The following AFAP1 variants were observed in gnomAD, a reference collection of about 807,000 sequenced individuals.
The protein encoded by AFAP1 is actin filament-associated protein 1.
AFAP1 carries 75 observed loss-of-function variants against 93.9 expected under a neutral mutation model. The ratio of observed to expected loss-of-function variants is 0.80; its 90% CI spans 0.66 to 0.97. AFAP1 has a LOEUF of 0.97. AFAP1 is among the 50% of genes least tolerant of loss of function. The probability of loss-of-function intolerance (pLI) is 0.00; values close to 1 mark genes in which losing one functional copy is unlikely to be tolerated. For synonymous variants in AFAP1, 517 were observed against 430.7 expected, an observed-to-expected ratio of 1.20 and a Z score of -2.48; for missense variants, 1,201 against 1,050.8, an observed-to-expected ratio of 1.14 and a Z score of -1.98.
chr4:7,868,221 A>G (rs1020069858), intron 3 of AFAP1, among the ~76,000 whole-genome samples: 3 of 152,226 alleles, frequency 2.0e-5, no homozygotes, highest in African/African-American at 7.2e-5. Flanking sequence ...AATGACTATT[A>G]AAGTTTCACA....
At chr4:7,796,098 T>C (rs1718394846) in intron 10 of AFAP1, among the ~76,000 whole-genome samples, 1 of 152,204 alleles carries the variant, frequency 6.6e-6, no homozygotes, top group Admixed American at 6.5e-5. Flanking sequence ...CATCTGTTTC[T>C]AGCGTTTGTC....
At chr4:7,934,504 T>C (rs560869422) in intron 1 of AFAP1, among the ~76,000 whole-genome samples, 1 of 152,280 alleles carries the variant, frequency 6.6e-6, no homozygotes, top group East Asian at 1.9e-4. Context: ...AAAACATAAA[T>C]TCTTCGAGGA....
At position 7,772,854 on chromosome 4, in the gene AFAP1, G is replaced by A; in HGVS notation, c.2219C>T (p.Ala740Val). Reference protein sequence around the residue: ...ALAGGVTLGLAIEPKSGTSSP... With the variant: ...ALAGGVTLGLVIEPKSGTSSP... ...CGATGTCCCTGACTTGGGCTCGATG[G>A]CCAGCCCCAGGGTGACTCCGCCCGC... The change falls in exon 16 of 18, where the codon GCC becomes GTC. Residue 740 changes from alanine (A) to valine (V), a missense_variant. Coordinates refer to ENST00000420658, the MANE Select transcript of AFAP1 (RefSeq NM_001134647.2). The A allele has an allele frequency of 1.2e-6, 2 of 1,613,898 alleles. No individual in the cohort carries two copies. The highest frequency in any genetic ancestry group is 1.7e-6 in the Non-Finnish European group (2 of 1,179,996).
At chr4:7,932,761 C>T (rs1721148901) in intron 1 of AFAP1, among the ~76,000 whole-genome samples, 1 of 152,116 alleles carries the variant, frequency 6.6e-6, no homozygotes, top group Admixed American at 6.6e-5. Flanking sequence ...GTGGCTCACG[C>T]CTGTAATTCC....
chr4:7,793,782 G>C lies in AFAP1; in HGVS notation c.1311C>G (p.Leu437=). The C allele has an allele frequency of 1.3e-6, 2 of 1,565,776 alleles. No homozygotes were observed. The highest frequency in any genetic ancestry group is 1.8e-6 in the Non-Finnish European group (2 of 1,142,814). Residue 437 remains leucine, a synonymous_variant, in exon 11 of 18, where the codon CTC becomes CTG. Transcript: ENST00000420658. ...GGTCTGTGGACGATCCCGTCTCTGC[G>C]AGTAAAATCCCAATCCACCTGCCCA... ...EDMGRWIGIL[L]AETGSSTDPE...
chr4:7,892,772 T>G (rs1489593699), intron 1 of AFAP1, among the ~76,000 whole-genome samples: 1 of 151,902 alleles, frequency 6.6e-6, no homozygotes, highest in African/African-American at 2.4e-5. Flanking sequence ...ATGACGCATT[T>G]GAGACTGCAC....
intron 12 of AFAP1, among the ~76,000 whole-genome samples, chr4:7,784,582 T>C (rs1468227279): frequency 1.3e-5 from 2 of 152,042 alleles, no homozygotes; most frequent in Non-Finnish European, 2.9e-5. Flanking sequence ...CTCTTTAGAA[T>C]CAGGTGGGGG....
At chr4:7,915,144 A>G (rs1720015166) in intron 1 of AFAP1, among the ~76,000 whole-genome samples, 1 of 152,184 alleles carries the variant, frequency 6.6e-6, no homozygotes, top group African/African-American at 2.4e-5. Context: ...TCGGCCTCCC[A>G]AAGTGCTGGG....
chr4:7,777,288 G>A (rs1449314065), intron 14 of AFAP1: 1 of 152,222 alleles, frequency 6.6e-6, no homozygotes, highest in Non-Finnish European at 1.5e-5. Flanking sequence ...TTAAACAAAT[G>A]GTGGTAGGAG....
chr4:7,925,090 C>G (rs969999827), intron 1 of AFAP1, among the ~76,000 whole-genome samples: 18 of 152,156 alleles, frequency 1.2e-4, no homozygotes, highest in Non-Finnish European at 2.1e-4. Context: ...AGTGACGACA[C>G]CGACTCCCTT....
chr4:7,917,648 T>C (rs4696779), intron 1 of AFAP1, among the ~76,000 whole-genome samples: 87,226 of 152,032 alleles, frequency 0.57, 28,289 homozygotes, highest in African/African-American at 0.86. Flanking sequence ...ATGAACCACG[T>C]ACCTCTCACT....
At position 7,939,839 on chromosome 4, in the gene AFAP1, G is replaced by T. The variant is rs889564639; in HGVS notation, c.-186C>A. On this transcript the variant is annotated 5_prime_UTR_variant, in exon 1 of 18. Coordinates refer to ENST00000420658, the MANE Select transcript of AFAP1 (RefSeq NM_001134647.2). This position sits in a 1 kb window ranked among gnomAD's most constrained non-coding sequence, Gnocchi z 5.6. Reference sequence around the variant, plus strand: ...CTCGGCTCGCGGAGCTGCAGCCGGCGTGGGGCTGCGGCCGGGACAGACACC... The same window carrying T: ...CTCGGCTCGCGGAGCTGCAGCCGGCTTGGGGCTGCGGCCGGGACAGACACC... 1.6e-4 allele frequency: 45 copies of T among 278,380 alleles called. No individual in the cohort carries two copies. Among genetic ancestry groups the T allele is most frequent in the African/African-American group, 9.9e-4 (42 of 42,406 alleles). 17.2% of individuals were successfully genotyped at this position (278,380 alleles called of 1,614,324 possible).
At chr4:7,775,042 G>A in intron 14 of AFAP1, 139 bp from the exon 15 acceptor site, 1 of 1,023,946 alleles carries the variant, frequency 9.8e-7, no homozygotes, top group Non-Finnish European at 1.4e-6. Flanking sequence ...TCAGGAAGCT[G>A]AGGTGGGAGA....
intron 1 of AFAP1, among the ~76,000 whole-genome samples, chr4:7,912,502 G>A (rs1041814329): frequency 3.2e-4 from 48 of 152,192 alleles, no homozygotes; most frequent in African/African-American, 1.0e-3. Flanking sequence ...ATTCTGATAG[G>A]TGTATAGTGA....
chr4:7,875,069 T>C (rs1381379818), intron 1 of AFAP1, among the ~76,000 whole-genome samples: 1 of 152,204 alleles, frequency 6.6e-6, no homozygotes, highest in African/African-American at 2.4e-5. Flanking sequence ...ATTCATTTAT[T>C]CGTCACTTAC....
At chr4:7,776,748 A>G (rs1219366724) in intron 14 of AFAP1, 2 of 152,364 alleles carry the variant, frequency 1.3e-5, no homozygotes, top group East Asian at 3.9e-4. Context: ...GCATTCGACA[A>G]TCTGAAACAA....
rs750725927 is a variant in AFAP1 at position 7,772,987 on chromosome 4, C to T, written c.2086G>A (p.Glu696Lys). ...NAGRKPQAIL[E>K]EKLKQLEEEC... ...TCCTCCAGCTGCTTCAGCTTCTCCT[C>T]CAGGATCGCCTGCGGCTTCCTGCCT... Residue 696 changes from glutamate (E) to lysine (K), a missense_variant, in exon 16 of 18, where the codon GAG becomes AAG. Coordinates refer to ENST00000420658, the MANE Select transcript of AFAP1 (RefSeq NM_001134647.2). 6.2e-7 allele frequency: 1 copy of T among 1,611,514 alleles called. No individual in the cohort carries two copies. The highest frequency in any genetic ancestry group is 8.5e-7 in the Non-Finnish European group (1 of 1,179,962).
At position 7,937,342 on chromosome 4, in the gene AFAP1, A is replaced by G. The variant is rs145446062; in HGVS notation, c.-3+2314T>C. ...GCTGGTAAGAGAATTTTTCTCTACT[A>G]TATTTGCTTGAAAGAATTAAAGGTG... On this transcript the variant is annotated intron_variant, in intron 1 of 17. Coordinates refer to ENST00000420658, the MANE Select transcript of AFAP1 (RefSeq NM_001134647.2). Among the ~76,000 whole-genome samples, 77 of 152,364 alleles carry G rather than the reference A, an allele frequency of 5.1e-4. 2 individuals are homozygous for G. The East Asian group carries it at 0.011, about 23-fold the overall frequency.
intron 1 of AFAP1, among the ~76,000 whole-genome samples, chr4:7,917,372 A>G (rs1720144046): frequency 6.6e-6 from 1 of 152,212 alleles, no homozygotes; most frequent in Admixed American, 6.5e-5. Context: ...ATTTGTAGGT[A>G]CACTGGAAAA....
Sources: allele counts gnomAD v4.1 joint callset (sites outside exome capture counted in the v4.1 genomes callset), GRCh38; gene constraint gnomAD v4.1.1; non-coding constraint Gnocchi (gnomAD v3.1); transcripts MANE v1.5; gene names NCBI Gene and HGNC (gene_info 2026-07-23, HGNC 2026-07-21).